The following CADM2 variants were observed in gnomAD, a reference collection of about 807,000 sequenced individuals.
CADM2 encodes the protein cell adhesion molecule 2.
Under a neutral mutation model 49.8 loss-of-function variants are expected in CADM2, and 12 were observed. That is an observed-to-expected ratio of 0.24 (90% CI 0.15 to 0.39). CADM2 has a LOEUF of 0.39. CADM2 is among the 10% of genes least tolerant of loss of function. CADM2 has a pLI of 1.00. For synonymous variants in CADM2, 214 were observed against 175.4 expected (o/e 1.22, Z -1.74); for missense variants, 378 against 492.3 (o/e 0.77, Z 2.20).
At chr3:85,695,790 G>A (rs1485880493) in intron 1 of CADM2, among the ~76,000 whole-genome samples, 2 of 151,998 alleles carry the variant, frequency 1.3e-5, no homozygotes, top group Non-Finnish European at 2.9e-5. Context: ...TGGGATTTCT[G>A]GATAGAATGG....
chr3:84,981,875 C>T (rs183187154), intron 1 of CADM2, among the ~76,000 whole-genome samples: 68 of 152,250 alleles, frequency 4.5e-4, no homozygotes, highest in Non-Finnish European at 1.3e-4. Flanking sequence ...CCAAAGTCTA[C>T]GGGGTGATCA....
chr3:85,941,938 A>C (rs2108555999), intron 7 of CADM2, among the ~76,000 whole-genome samples: 1 of 152,236 alleles, frequency 6.6e-6, no homozygotes, highest in Admixed American at 6.6e-5. Flanking sequence ...TTACATTGTA[A>C]AAGGTTTACA....
intron 3 of CADM2, among the ~76,000 whole-genome samples, chr3:85,822,054 A>G (rs928158030): frequency 3.9e-5 from 6 of 152,226 alleles, no homozygotes; most frequent in African/African-American, 1.4e-4. Context: ...AACATCATAT[A>G]CATCAAATAT....
chr3:85,735,539 G>C (rs889092704), intron 2 of CADM2, among the ~76,000 whole-genome samples: 3 of 152,166 alleles, frequency 2.0e-5, no homozygotes, highest in Non-Finnish European at 4.4e-5. Context: ...AATGTGCACT[G>C]ACTTAGTTTT....
chr3:85,531,988 A>T lies in CADM2; in HGVS notation c.62-194534A>T, dbSNP rs183818734. On this transcript the variant is annotated intron_variant, in intron 1 of 9. Coordinates refer to ENST00000383699, the MANE Select transcript of CADM2 (RefSeq NM_001167675.2). ...GTCAGGAGATGGAGACCATCCTGGC[A>T]AACACGGTGAAACCCCGTCTATACT... Among the ~76,000 whole-genome samples, 64 of 152,216 alleles carry T rather than the reference A, an allele frequency of 4.2e-4. No individual in the cohort carries two copies. The East Asian group carries it at 0.011, about 26-fold the overall frequency.
chr3:85,938,040 C>T (rs1484599299), intron 7 of CADM2, among the ~76,000 whole-genome samples: 2 of 151,870 alleles, frequency 1.3e-5, no homozygotes, highest in African/African-American at 4.8e-5. Flanking sequence ...AGGACATTAG[C>T]ATTAAAGTTA....
chr3:85,513,697 G>T (rs888516088), intron 1 of CADM2, among the ~76,000 whole-genome samples: 1 of 151,852 alleles, frequency 6.6e-6, no homozygotes, highest in Non-Finnish European at 1.5e-5. Flanking sequence ...CCAGTTAATT[G>T]ATGCTTTACT....
At chr3:85,296,811 G>T (rs1474743969) in intron 1 of CADM2, among the ~76,000 whole-genome samples, 1 of 152,050 alleles carries the variant, frequency 6.6e-6, no homozygotes, top group African/African-American at 2.4e-5. Context: ...CAAACAGATA[G>T]AGGTGTATAC....
At chr3:85,927,540 GAAT>G (rs1360832007) in intron 6 of CADM2, among the ~76,000 whole-genome samples, 3 of 152,098 alleles carry the variant, frequency 2.0e-5, no homozygotes, top group Admixed American at 2.0e-4. Context: ...TTTGTCAAAT[GAAT>G]AAATGACAGT....
At chr3:85,501,995 C>G (rs756528909) in intron 1 of CADM2, among the ~76,000 whole-genome samples, 34 of 151,990 alleles carry the variant, frequency 2.2e-4, no homozygotes, top group Non-Finnish European at 4.6e-4. Flanking sequence ...TCTAAGAAAG[C>G]ATGAATTTAA....
At chr3:85,018,643 A>T (rs1279817756) in intron 1 of CADM2, among the ~76,000 whole-genome samples, 1 of 152,112 alleles carries the variant, frequency 6.6e-6, no homozygotes, top group Non-Finnish European at 1.5e-5. Context: ...AAACTCACAG[A>T]TACTTTTAAG....
chr3:85,164,205 CTA>C, intron 1 of CADM2, among the ~76,000 whole-genome samples: 1 of 151,962 alleles, frequency 6.6e-6, no homozygotes, highest in East Asian at 1.9e-4. Context: ...ATTGAGATGA[CTA>C]TGTGAAGGTG....
chr3:85,155,971 G>A (rs1426493529), intron 1 of CADM2, among the ~76,000 whole-genome samples: 1 of 152,128 alleles, frequency 6.6e-6, no homozygotes, highest in Non-Finnish European at 1.5e-5. Context: ...AGCACTAAAT[G>A]CCCACAAGAG....
intron 1 of CADM2, among the ~76,000 whole-genome samples, chr3:85,117,237 G>A (rs959234390): frequency 5.9e-5 from 7 of 119,368 alleles, no homozygotes; most frequent in Non-Finnish European, 1.3e-4. Flanking sequence ...AGAAAAAAAA[G>A]AGAAAATTTT....
intron 1 of CADM2, among the ~76,000 whole-genome samples, chr3:85,673,146 C>G (rs1196798216): frequency 1.3e-5 from 2 of 152,132 alleles, no homozygotes; most frequent in African/African-American, 4.8e-5. Flanking sequence ...GACAAGTGTT[C>G]CACAAACTCA....
chr3:85,928,308 G>T (rs1417267621), intron 6 of CADM2, among the ~76,000 whole-genome samples: 2 of 152,012 alleles, frequency 1.3e-5, no homozygotes, highest in African/African-American at 4.8e-5. Flanking sequence ...ACAGGCGCAT[G>T]CCATCATGCC....
chr3:85,575,933 A>G (rs1231607583), intron 1 of CADM2, among the ~76,000 whole-genome samples: 1 of 152,202 alleles, frequency 6.6e-6, no homozygotes. Context: ...CTAAGCGCTC[A>G]AGACTTCTCT....
chr3:85,760,991 C>T (rs1293642760), intron 2 of CADM2, among the ~76,000 whole-genome samples: 2 of 152,132 alleles, frequency 1.3e-5, no homozygotes, highest in Non-Finnish European at 2.9e-5. Context: ...ATGAGTCCTA[C>T]TGTTAGTATT....
At chr3:85,246,381 C>T (rs932640465) in intron 1 of CADM2, among the ~76,000 whole-genome samples, 2 of 151,930 alleles carry the variant, frequency 1.3e-5, no homozygotes, top group Non-Finnish European at 2.9e-5. Flanking sequence ...ACCAACATGG[C>T]ACATGTACAC....
Sources: allele counts gnomAD v4.1 joint callset (sites outside exome capture counted in the v4.1 genomes callset), GRCh38; gene constraint gnomAD v4.1.1; transcripts MANE v1.5; gene names NCBI Gene and HGNC (gene_info 2026-07-23, HGNC 2026-07-21).